DCAF7: variants seen among roughly 807,000 people sequenced by gnomAD.
DCAF7 encodes the protein DDB1 and CUL4 associated factor 7, also known as DDB1- and CUL4-associated factor 7.
DCAF7 carries 4 observed loss-of-function variants against 41.2 expected under a neutral mutation model. The ratio of observed to expected loss-of-function variants is 0.10; its 90% CI spans 0.05 to 0.22. The LOEUF is 0.22. Among genes scored for constraint, DCAF7 ranks in the 10% least tolerant of loss-of-function variants. The probability of loss-of-function intolerance (pLI) is 1.00; values close to 1 mark genes in which losing one functional copy is unlikely to be tolerated. For synonymous variants in DCAF7, 143 were observed against 164.2 expected (o/e 0.87, Z 0.99); for missense variants, 131 against 443.2 (o/e 0.30, Z 6.32).
intron 1 of DCAF7, among the ~76,000 whole-genome samples, chr17:63,566,881 T>C (rs1291125028): frequency 5.3e-5 from 8 of 152,206 alleles, no homozygotes; most frequent in Non-Finnish European, 8.8e-5. Flanking sequence ...GCCACCGCTC[T>C]ACAGTTTGGG....
At chr17:63,553,114 G>A (rs955401790) in intron 1 of DCAF7, among the ~76,000 whole-genome samples, 2 of 152,154 alleles carry the variant, frequency 1.3e-5, no homozygotes, top group African/African-American at 2.4e-5. Flanking sequence ...TTGCACTACA[G>A]ATATAAACAA....
chr17:63,584,031 T>G (rs1398596423), intron 5 of DCAF7, among the ~76,000 whole-genome samples: 1 of 152,200 alleles, frequency 6.6e-6, no homozygotes, highest in Non-Finnish European at 1.5e-5. Context: ...ACTTTTAATT[T>G]TTGAAGAGTT....
chr17:63,579,635 A>G (rs769068218), intron 3 of DCAF7, among the ~76,000 whole-genome samples, 187 bp downstream of exon 3: 2 of 152,194 alleles, frequency 1.3e-5, no homozygotes, highest in East Asian at 1.9e-4. Context: ...CTCTCCAGTT[A>G]GAATCTAAGG....
chr17:63,584,490 G>A (rs983395288), intron 5 of DCAF7, among the ~76,000 whole-genome samples: 10 of 151,058 alleles, frequency 6.6e-5, no homozygotes, highest in African/African-American at 1.9e-4. Context: ...GGCCAGGCAC[G>A]GTGGCTCACA....
At chr17:63,578,372 AAAAC>A in intron 1 of DCAF7, 94 bp from the exon 2 acceptor site, 4 of 1,545,388 alleles carry the variant, frequency 2.6e-6, no homozygotes, top group Non-Finnish European at 2.6e-6. Flanking sequence ...TTTAAAACAA[AAAAC>A]AAACAAAAAA....
chr17:63,587,048 G>T (rs575146719), intron 6 of DCAF7, among the ~76,000 whole-genome samples: 7 of 152,068 alleles, frequency 4.6e-5, no homozygotes, highest in Non-Finnish European at 1.0e-4. Context: ...ATAGGATTCT[G>T]TCCTAGTCCT....
At chr17:63,584,502 C>A (rs909328051) in intron 5 of DCAF7, among the ~76,000 whole-genome samples, 1 of 151,908 alleles carries the variant, frequency 6.6e-6, no homozygotes, top group Non-Finnish European at 1.5e-5. Context: ...TGGCTCACAC[C>A]TGTAATCCCA....
intron 2 of DCAF7, 88 bp downstream of exon 2, chr17:63,578,716 C>A: frequency 6.4e-7 from 1 of 1,561,692 alleles, no homozygotes; most frequent in South Asian, 1.1e-5. Context: ...AGACAGGGGT[C>A]AGAGGCAGCG....
At chr17:63,582,680 C>T (rs368152612) in intron 4 of DCAF7, among the ~76,000 whole-genome samples, 10 of 151,872 alleles carry the variant, frequency 6.6e-5, no homozygotes, top group African/African-American at 9.7e-5. Flanking sequence ...TGGGTTGGCC[C>T]GGATGGTCTT....
rs1018294803 is a variant in DCAF7, at chr17:63,576,060, C to T, written c.139-2410C>T. ...AATAGATGAATAAATACATGGTCAA[C>T]TGATTTTCAATAAAGGGGTCAAGGT... is the stretch of plus-strand genomic sequence containing the variant. On this transcript the variant is annotated intron_variant, in intron 1 of 6. Coordinates refer to ENST00000614556, the MANE Select transcript of DCAF7 (RefSeq NM_005828.5). Among the ~76,000 whole-genome samples the T allele has an allele frequency of 3.3e-5, 5 of 152,152 alleles. No individual in the cohort carries two copies. In the South Asian group the frequency reaches 1.0e-3, roughly 31 times the overall value.
chr17:63,588,631 G>A (rs905994919), intron 6 of DCAF7, among the ~76,000 whole-genome samples: 8 of 152,252 alleles, frequency 5.3e-5, no homozygotes, highest in African/African-American at 1.9e-4. Flanking sequence ...AATGATCTTT[G>A]TAACCACTCA....
At chr17:63,586,999 GC>G (rs2033684354) in intron 6 of DCAF7, among the ~76,000 whole-genome samples, 1 of 152,008 alleles carries the variant, frequency 6.6e-6, no homozygotes, top group South Asian at 2.1e-4. Context: ...GTACATCTAT[GC>G]CCCCAAATAC....
chr17:63,567,720 C>T (rs1204631179), intron 1 of DCAF7, among the ~76,000 whole-genome samples: 14 of 152,112 alleles, frequency 9.2e-5, no homozygotes. Context: ...AGTGCGGTGG[C>T]ACAATCACAG....
In DCAF7 at chr17:63,550,532, G is replaced by C; in HGVS notation, c.-146G>C. 2.3e-6 allele frequency: 3 copies of C among 1,319,042 alleles called. No homozygotes were observed. Among genetic ancestry groups the C allele is most frequent in the Non-Finnish European group, 3.0e-6 (3 of 993,238 alleles). The allele number at this position is 1,319,042 out of a possible 1,614,324, so 81.7% of individuals were successfully genotyped here. A position where few individuals can be genotyped will look rare whatever the true frequency, so the allele number is the denominator to read the frequency against. On this transcript the variant is annotated 5_prime_UTR_variant, in exon 1 of 7. Coordinates refer to ENST00000614556, the MANE Select transcript of DCAF7 (RefSeq NM_005828.5). This position sits in a 1 kb window ranked among gnomAD's most constrained non-coding sequence, Gnocchi z 4.8. Reference sequence around the variant, plus strand: ...GGGGTCGGGCTCGGCCGTCGTCGTTGTTTGTCGCCGCATCCCCGCTTCCGG... The same window carrying C: ...GGGGTCGGGCTCGGCCGTCGTCGTTCTTTGTCGCCGCATCCCCGCTTCCGG...
At chr17:63,584,238 G>A (rs2033653822) in intron 5 of DCAF7, among the ~76,000 whole-genome samples, 4 of 152,232 alleles carry the variant, frequency 2.6e-5, no homozygotes, top group Admixed American at 2.6e-4. Context: ...GGGAGGCTGA[G>A]GCAGGTGGAT....
intron 1 of DCAF7, among the ~76,000 whole-genome samples, chr17:63,562,190 G>GAA (rs1216983440): frequency 1.3e-5 from 2 of 152,174 alleles, no homozygotes; most frequent in Admixed American, 1.3e-4. Context: ...TGATAAGATA[G>GAA]AACTGTAATT....
chr17:63,580,478 G>A (rs970459018), intron 4 of DCAF7, among the ~76,000 whole-genome samples: 1 of 146,876 alleles, frequency 6.8e-6, no homozygotes. Flanking sequence ...GTGTTTATTG[G>A]GAAAACTGAG....
At position 63,583,489 on chromosome 17, in the gene DCAF7, T is replaced by C; in HGVS notation, c.529-13T>C. 6.2e-7 allele frequency: 1 copy of C among 1,612,080 alleles called. No individual in the cohort carries two copies. Among genetic ancestry groups the C allele is most frequent in the Non-Finnish European group, 8.5e-7 (1 of 1,178,654 alleles). ...GGATCTGAATCTGACTGGAGCTTCT[T>C]GTTCACCAACAGGTCTATGATATTG... On this transcript the variant is annotated splice_polypyrimidine_tract_variant and intron_variant, in intron 4 of 6. Coordinates refer to ENST00000614556, the MANE Select transcript of DCAF7 (RefSeq NM_005828.5).
At position 63,550,938 on chromosome 17, in the gene DCAF7, C is replaced by G; in HGVS notation, c.138+123C>G. ...CTCGCCCTAGGGCCACGGAGCGGTT[C>G]CTCTGTCTGGCCCTGTGCTGAAGGT... On this transcript the variant is annotated intron_variant, in intron 1 of 6. Coordinates refer to ENST00000614556, the MANE Select transcript of DCAF7 (RefSeq NM_005828.5). This position sits in a 1 kb window ranked among gnomAD's most constrained non-coding sequence, Gnocchi z 4.8. The G allele has an allele frequency of 7.0e-7, 1 of 1,431,096 alleles. No individual in the cohort carries two copies. Among genetic ancestry groups the G allele is most frequent in the Non-Finnish European group, 9.3e-7 (1 of 1,078,430 alleles). 88.6% of individuals were successfully genotyped at this position (1,431,096 alleles called of 1,614,324 possible).
Sources: gnomAD v4.1 joint callset for allele counts (sites outside exome capture counted in the v4.1 genomes callset) on GRCh38, gnomAD v4.1.1 for gene constraint, Gnocchi (gnomAD v3.1) non-coding constraint, MANE v1.5 for transcripts, NCBI Gene and HGNC (gene_info 2026-07-23, HGNC 2026-07-21) for gene names.